The following CAMTA1 variants were observed in gnomAD, a reference collection of about 807,000 sequenced individuals.
CAMTA1 encodes calmodulin binding transcription activator 1.
CAMTA1 carries 27 observed loss-of-function variants against 170.9 expected under a neutral mutation model. That is an observed-to-expected ratio of 0.16 (90% confidence interval 0.12 to 0.22). The LOEUF (loss-of-function observed/expected upper bound fraction) is 0.22. Ranked by LOEUF, CAMTA1 falls within the 10% of genes least tolerant of loss-of-function variation. The probability of loss-of-function intolerance (pLI) is 1.00; values close to 1 mark genes in which losing one functional copy is unlikely to be tolerated. For missense variants in CAMTA1, 1,619 were observed against 2,217.2 expected (o/e 0.73, Z 5.42); for synonymous variants, 833 against 891.5 (o/e 0.93, Z 1.17).
chr1:7,188,146 A>T (rs1226411551), intron 4 of CAMTA1, among the ~76,000 whole-genome samples: 3 of 152,168 alleles, frequency 2.0e-5, no homozygotes, highest in Non-Finnish European at 4.4e-5. Context: ...TCCTGACAAC[A>T]GCATGGTGGG....
chr1:7,537,541 G>C (rs2094563782), intron 6 of CAMTA1, among the ~76,000 whole-genome samples: 1 of 152,236 alleles, frequency 6.6e-6, no homozygotes, highest in South Asian at 2.1e-4. Context: ...CTGGAATGGG[G>C]TGGGGCTGAG....
intron 5 of CAMTA1, among the ~76,000 whole-genome samples, chr1:7,458,364 G>A (rs2093009584): frequency 6.6e-6 from 1 of 152,192 alleles, no homozygotes; most frequent in African/African-American, 2.4e-5. Flanking sequence ...TCCCACATCT[G>A]CAGAGAGGGA....
chr1:7,290,816 C>T (rs1019089981), intron 5 of CAMTA1, among the ~76,000 whole-genome samples: 1 of 152,026 alleles, frequency 6.6e-6, no homozygotes, highest in Non-Finnish European at 1.5e-5. Context: ...ATAGAAAACC[C>T]CTAACATTTA....
chr1:7,391,670 C>T (rs74055413), intron 5 of CAMTA1, among the ~76,000 whole-genome samples: 3,890 of 152,190 alleles, frequency 0.026, 110 homozygotes, highest in African/African-American at 0.064. Flanking sequence ...ATAAGCTGCT[C>T]GGCGTACTCC....
In CAMTA1 at chr1:7,752,539, C is replaced by A. The variant is rs764073129; in HGVS notation, c.4958+6C>A. On this transcript the variant is annotated splice_donor_region_variant and intron_variant, in intron 21 of 22. Coordinates refer to ENST00000303635, the MANE Select transcript of CAMTA1 (RefSeq NM_015215.4). ...CTTCGCCGCTGTCGCCACAGGTACA[C>A]TAGTCCTTGTTTATACATTCTGCTC... The A allele has an allele frequency of 3.8e-6, 6 of 1,596,116 alleles. No homozygotes were observed. Among genetic ancestry groups the A allele is most frequent in the Non-Finnish European group, 5.1e-6 (6 of 1,170,968 alleles).
chr1:7,696,971 G>A (rs906297940), intron 11 of CAMTA1, among the ~76,000 whole-genome samples: 1 of 152,144 alleles, frequency 6.6e-6, no homozygotes, highest in African/African-American at 2.4e-5. Context: ...ATGCTAAGAG[G>A]TCTGGGCCTA....
Position 7,664,864 on chromosome 1 carries a change from T to C in CAMTA1, c.2317T>C (p.Phe773Leu). The C allele has an allele frequency of 6.2e-7, 1 of 1,613,374 alleles. No individual in the cohort carries two copies. ...CTTTGACATCTCCTTCAGCAACCAG[T>C]TCTCCGACCTGATCAACGACTTCAT... Reference protein sequence around the residue: ...DHFDISFSNQFSDLINDFISV... With the variant: ...DHFDISFSNQLSDLINDFISV... Residue 773 changes from phenylalanine (F) to leucine (L), a missense_variant, in exon 9 of 23, where the codon TTC becomes CTC. Phe to Leu is a conservative substitution (Grantham distance 22, BLOSUM62 0). Around this residue, in one of 8 missense-constraint regions of CAMTA1, gnomAD observed 731 missense variants for 907.6 expected, o/e 0.81. Coordinates refer to ENST00000303635, the MANE Select transcript of CAMTA1 (RefSeq NM_015215.4).
At chr1:7,651,576 C>T (rs938501006) in intron 7 of CAMTA1, among the ~76,000 whole-genome samples, 2 of 152,266 alleles carry the variant, frequency 1.3e-5, no homozygotes, top group African/African-American at 2.4e-5. Flanking sequence ...GTCTTCCAGG[C>T]AGGACTGCGG....
intron 5 of CAMTA1, among the ~76,000 whole-genome samples, chr1:7,392,023 A>G (rs577610597): frequency 1.3e-5 from 2 of 152,334 alleles, no homozygotes; most frequent in South Asian, 2.1e-4. Context: ...GAAAATATAT[A>G]GAGGTAAGAT....
intron 3 of CAMTA1, among the ~76,000 whole-genome samples, chr1:6,873,016 T>C (rs1049150130): frequency 1.3e-5 from 2 of 152,224 alleles, no homozygotes; most frequent in African/African-American, 4.8e-5. Context: ...TCACTGGCGA[T>C]TGGAACTCTC....
intron 3 of CAMTA1, among the ~76,000 whole-genome samples, chr1:6,973,472 C>G (rs1692890000): frequency 6.6e-6 from 1 of 152,208 alleles, no homozygotes; most frequent in Non-Finnish European, 1.5e-5. Flanking sequence ...TTTTTGAAGG[C>G]TGAATAATAT....
chr1:7,273,371 A>G (rs867736270), intron 5 of CAMTA1, among the ~76,000 whole-genome samples: 4 of 152,268 alleles, frequency 2.6e-5, no homozygotes, highest in Non-Finnish European at 5.9e-5. Flanking sequence ...CTATCCATAC[A>G]ATGAAATATT....
intron 3 of CAMTA1, among the ~76,000 whole-genome samples, chr1:6,910,967 C>G (rs1280899667): frequency 6.6e-6 from 1 of 152,180 alleles, no homozygotes; most frequent in Admixed American, 6.5e-5. Context: ...CTGTGTGTCC[C>G]CATTGCTCGC....
chr1:6,898,710 A>G (rs533366276), intron 3 of CAMTA1, among the ~76,000 whole-genome samples: 1 of 152,194 alleles, frequency 6.6e-6, no homozygotes, highest in Non-Finnish European at 1.5e-5. Context: ...GGATATGCTC[A>G]GGAAAGATAC....
intron 5 of CAMTA1, among the ~76,000 whole-genome samples, chr1:7,429,935 T>C (rs1245562959): frequency 6.6e-6 from 1 of 151,976 alleles, no homozygotes; most frequent in Non-Finnish European, 1.5e-5. Flanking sequence ...TAGTAAGAAT[T>C]CACTGTCACC....
intron 5 of CAMTA1, among the ~76,000 whole-genome samples, chr1:7,263,440 A>G (rs980656832): frequency 6.6e-6 from 1 of 152,228 alleles, no homozygotes; most frequent in Admixed American, 6.5e-5. Flanking sequence ...ACACTCAATT[A>G]GTTTGTACAT....
intron 6 of CAMTA1, among the ~76,000 whole-genome samples, chr1:7,571,391 C>T (rs1296662339): frequency 6.6e-6 from 1 of 152,110 alleles, no homozygotes; most frequent in African/African-American, 2.4e-5. Flanking sequence ...TGTTGGTAAA[C>T]TTGTGTCACA....
chr1:7,149,567 G>C (rs2148674577), intron 4 of CAMTA1, among the ~76,000 whole-genome samples: 1 of 152,316 alleles, frequency 6.6e-6, no homozygotes, highest in East Asian at 1.9e-4. Context: ...CCACCTCCTG[G>C]GGCTGCTGGG....
intron 5 of CAMTA1, among the ~76,000 whole-genome samples, chr1:7,334,792 A>G (rs927644805): frequency 3.3e-5 from 5 of 152,188 alleles, no homozygotes; most frequent in African/African-American, 9.7e-5. Flanking sequence ...TTCGGTATGC[A>G]AATGAAGCCC....
Sources: allele counts gnomAD v4.1 joint callset (sites outside exome capture counted in the v4.1 genomes callset), GRCh38; gene constraint gnomAD v4.1.1; regional missense constraint gnomAD v4.1.1; transcripts MANE v1.5; gene names NCBI Gene and HGNC (gene_info 2026-07-23, HGNC 2026-07-21).